Variants in RHOG observed in about 807,000 individuals in gnomAD.
RHOG encodes rho-related GTP-binding protein RhoG.
Under a neutral mutation model 12.3 loss-of-function variants are expected in RHOG, and 1 was observed. The observed-to-expected ratio is 0.08, with a 90% CI of 0.03 to 0.39. RHOG has a LOEUF of 0.39. Ranked by LOEUF, RHOG falls within the 10% of genes least tolerant of loss-of-function variation. The pLI is 0.99. For missense variants in RHOG, 114 were observed against 266.2 expected (o/e 0.43, Z 3.98); for synonymous variants, 129 against 116.0 (o/e 1.11, Z -0.72).
chr11:3,832,143 C>T (rs552313293), intron 1 of RHOG, among the ~76,000 whole-genome samples: 80 of 152,214 alleles, frequency 5.3e-4, no homozygotes, highest in Admixed American at 9.2e-4. Flanking sequence ...GTTTATCTGC[C>T]GACCTTGACC....
At chr11:3,832,961 G>A (rs1256216875) in intron 1 of RHOG, among the ~76,000 whole-genome samples, 1 of 152,092 alleles carries the variant, frequency 6.6e-6, no homozygotes, top group African/African-American at 2.4e-5. Flanking sequence ...GGGCCCAGGA[G>A]TGAAGGGTTG....
intron 1 of RHOG, among the ~76,000 whole-genome samples, chr11:3,833,617 C>T (rs2090142020): frequency 6.6e-6 from 1 of 152,132 alleles, no homozygotes; most frequent in Admixed American, 6.5e-5. Flanking sequence ...GATGATTTGC[C>T]TCTCTAAGCT....
chr11:3,828,724 C>G (rs150930494), intron 1 of RHOG, among the ~76,000 whole-genome samples: 2 of 148,534 alleles, frequency 1.3e-5, no homozygotes, highest in Admixed American at 1.4e-4. Context: ...CCTGGGTTCA[C>G]GCCATTCTGC....
intron 1 of RHOG, among the ~76,000 whole-genome samples, chr11:3,828,711 C>G (rs1038987864): frequency 4.6e-5 from 7 of 150,632 alleles, no homozygotes; most frequent in Admixed American, 2.6e-4. Context: ...GCAAGCTCCG[C>G]CTCCTGGGTT....
intron 1 of RHOG, chr11:3,830,601 G>A (rs1403167225): frequency 6.6e-6 from 1 of 151,516 alleles, no homozygotes; most frequent in Non-Finnish European, 1.5e-5. Context: ...GGCTGCAGTG[G>A]GCTATGATCA....
rs542589766 is a variant in RHOG at position 3,832,853 on chromosome 11, C to T, written c.-68-4647G>A. On this transcript the variant is annotated intron_variant, in intron 1 of 1. Coordinates refer to ENST00000351018, the MANE Select transcript of RHOG (RefSeq NM_001665.4). Reference sequence around the variant, plus strand: ...AACCAGGAGTGTGACCTATCTGGAGCGGGGTTCAACAATGACTTATTCACT... The same window carrying T: ...AACCAGGAGTGTGACCTATCTGGAGTGGGGTTCAACAATGACTTATTCACT... 3.9e-5 allele frequency among the ~76,000 whole-genome samples: 6 copies of T among 152,190 alleles called. No homozygotes were observed. The East Asian group carries it at 5.8e-4, about 15-fold the overall frequency.
At chr11:3,835,097 G>C (rs940879930) in intron 1 of RHOG, among the ~76,000 whole-genome samples, 1 of 152,150 alleles carries the variant, frequency 6.6e-6, no homozygotes, top group Non-Finnish European at 1.5e-5. Flanking sequence ...TCTCTCACAG[G>C]CTTGGAGAGG....
chr11:3,834,707 G>T (rs1227366136), intron 1 of RHOG, among the ~76,000 whole-genome samples: 1 of 152,248 alleles, frequency 6.6e-6, no homozygotes, highest in Non-Finnish European at 1.5e-5. Flanking sequence ...CAGAATGGGG[G>T]AGGGAAAGGA....
Position 3,827,564 on chromosome 11 carries a change from C to A in RHOG, c.575G>T (p.Ter192LeuextTer28). The change falls in exon 2 of 2, where the codon TGA (stop) becomes TTA (leucine). Residue 192 changes from the stop codon to leucine (L), a stop_lost. Coordinates refer to ENST00000351018, the MANE Select transcript of RHOG (RefSeq NM_001665.4). This position sits in a 1 kb window ranked among gnomAD's most constrained non-coding sequence, Gnocchi z 7.3. ...CAGCCTCCAAGCCAAGTGCCAGGGT[C>A]ACAAGAGGATGCAGGACCGCCCACG... ...IKRGRSCILL[*>L] is the part of the protein sequence containing the mutation. 1 of 1,601,194 alleles carries A rather than the reference C, an allele frequency of 6.2e-7. No individual in the cohort carries two copies. The highest frequency in any genetic ancestry group is 1.1e-5 in the South Asian group (1 of 90,952).
At position 3,828,159 on chromosome 11, in the gene RHOG, T is replaced by C. The variant is rs1295694812; in HGVS notation, c.-21A>G. On this transcript the variant is annotated 5_prime_UTR_variant, in exon 2 of 2. Coordinates refer to ENST00000351018, the MANE Select transcript of RHOG (RefSeq NM_001665.4). ...TGCATCGTGGGTGCAGTTGCTGTAG[T>C]GGAGGCAGTGCCTCCTCTCTCTTCT... 1.3e-6 allele frequency: 2 copies of C among 1,596,782 alleles called. No individual in the cohort carries two copies. The highest frequency in any genetic ancestry group is 8.6e-7 in the Non-Finnish European group (1 of 1,167,536).
At position 3,827,096 on chromosome 11, in the gene RHOG, C is replaced by T. The variant is rs1422482328; in HGVS notation, c.*467G>A. 5 of 181,858 alleles carry T rather than the reference C, an allele frequency of 2.7e-5. 1 individual carries two copies. The highest frequency in any genetic ancestry group is 5.9e-5 in the Non-Finnish European group (5 of 85,040). 11.3% of individuals were successfully genotyped at this position (181,858 alleles called of 1,614,324 possible). ...AGGCACAGAGGAGCAGGTTAGGGCA[C>T]ATTCACCTTCTCAGGATTCTGTGGC... On this transcript the variant is annotated 3_prime_UTR_variant, in exon 2 of 2. Transcript: ENST00000351018. This position sits in a 1 kb window ranked among gnomAD's most constrained non-coding sequence, Gnocchi z 7.3.
At position 3,828,915 on chromosome 11, in the gene RHOG, T is replaced by C. The variant is rs542225057; in HGVS notation, c.-68-709A>G. 4.4e-3 allele frequency among the ~76,000 whole-genome samples: 656 copies of C among 148,730 alleles called. 1 individual carries two copies. Among genetic ancestry groups the C allele is most frequent in the African/African-American group, 0.014 (564 of 38,908 alleles). ...GATTACAGGCGTGAGCCACTGCGCCTGGCCAGTATTAGCTATTTTTTTTTT... is the reference window on the plus strand; with the variant it reads ...GATTACAGGCGTGAGCCACTGCGCCCGGCCAGTATTAGCTATTTTTTTTTT... On this transcript the variant is annotated intron_variant, in intron 1 of 1. Transcript: ENST00000351018.
chr11:3,835,478 G>A (rs1368243171), intron 1 of RHOG, among the ~76,000 whole-genome samples: 2 of 152,136 alleles, frequency 1.3e-5, no homozygotes, highest in African/African-American at 2.4e-5. Context: ...GAAGCCCAGG[G>A]AAGGGCTGAG....
At chr11:3,834,323 G>A (rs187104286) in intron 1 of RHOG, among the ~76,000 whole-genome samples, 92 of 152,202 alleles carry the variant, frequency 6.0e-4, no homozygotes, top group Middle Eastern at 3.4e-3. Flanking sequence ...TGAAGCCTTG[G>A]CTTCTCTGGA....
chr11:3,835,432 CA>C (rs551682340), intron 1 of RHOG, among the ~76,000 whole-genome samples: 101 of 152,222 alleles, frequency 6.6e-4, no homozygotes, highest in African/African-American at 2.2e-3. Flanking sequence ...CTGGATGCTT[CA>C]GGGGGAGGGT....
At position 3,827,277 on chromosome 11, in the gene RHOG, A is replaced by C; in HGVS notation, c.*286T>G. On this transcript the variant is annotated 3_prime_UTR_variant, in exon 2 of 2. Transcript: ENST00000351018. This position sits in a 1 kb window ranked among gnomAD's most constrained non-coding sequence, Gnocchi z 7.3. ...GCTGGATGAACTGGTCAGTAGCGGA[A>C]AATGGGAGGGGGCACTGGGTTGGCC... The C allele has an allele frequency of 2.1e-6, 1 of 467,838 alleles. No homozygotes were observed. Among genetic ancestry groups the C allele is most frequent in the Non-Finnish European group, 3.9e-6 (1 of 258,484 alleles). The allele number at this position is 467,838 out of a possible 1,614,324, so 29.0% of individuals were successfully genotyped here.
intron 1 of RHOG, among the ~76,000 whole-genome samples, chr11:3,836,387 C>T (rs561233665): frequency 7.2e-6 from 1 of 138,818 alleles, no homozygotes; most frequent in East Asian, 2.1e-4. Context: ...AGAAAAAATC[C>T]ATGCTGGAGG....
At chr11:3,828,280 C>T in intron 1 of RHOG, 74 bp from the exon 2 acceptor site, 1 of 706,954 alleles carries the variant, frequency 1.4e-6, no homozygotes, top group South Asian at 1.9e-5. Context: ...TGGGGGCACA[C>T]AAAGGGAAAC....
In RHOG at chr11:3,827,555, T is replaced by G. The variant is rs2090088184; in HGVS notation, c.*8A>C. ...GGGCAGGGGCAGCCTCCAAGCCAAG[T>G]GCCAGGGTCACAAGAGGATGCAGGA... On this transcript the variant is annotated 3_prime_UTR_variant, in exon 2 of 2. Transcript: ENST00000351018. This position sits in a 1 kb window ranked among gnomAD's most constrained non-coding sequence, Gnocchi z 7.3. 6.3e-7 allele frequency: 1 copy of G among 1,595,978 alleles called. No individual in the cohort carries two copies. The highest frequency in any genetic ancestry group is 8.5e-7 in the Non-Finnish European group (1 of 1,174,384).
Sources: gnomAD v4.1 joint callset for allele counts (sites outside exome capture counted in the v4.1 genomes callset) on GRCh38, gnomAD v4.1.1 for gene constraint, Gnocchi (gnomAD v3.1) non-coding constraint, MANE v1.5 for transcripts, NCBI Gene and HGNC (gene_info 2026-07-23, HGNC 2026-07-21) for gene names.